The following KIAA1671 variants were observed in gnomAD, a reference collection of about 807,000 sequenced individuals.
The protein encoded by KIAA1671 is uncharacterized protein KIAA1671.
KIAA1671 carries 52 observed loss-of-function variants against 131.2 expected under a neutral mutation model. The ratio of observed to expected loss-of-function variants is 0.40; its 90% confidence interval spans 0.32 to 0.50. KIAA1671 has a LOEUF of 0.50. Ranked by LOEUF, KIAA1671 falls within the 20% of genes least tolerant of loss-of-function variation. The probability of loss-of-function intolerance (pLI) is 0.73; values close to 1 mark genes in which losing one functional copy is unlikely to be tolerated. For synonymous variants in KIAA1671, 1,003 were observed against 961.6 expected (o/e 1.04, Z -0.80); for missense variants, 2,360 against 2,364.2 (o/e 1.00, Z 0.04).
intron 6 of KIAA1671, among the ~76,000 whole-genome samples, chr22:25,076,756 T>C (rs956423611): frequency 1.3e-5 from 2 of 152,216 alleles, no homozygotes; most frequent in Non-Finnish European, 2.9e-5. Flanking sequence ...ATTAGTGATA[T>C]AAGCAATAGT....
chr22:25,001,079 T>C (rs183672957), intron 1 of KIAA1671, among the ~76,000 whole-genome samples: 70 of 152,148 alleles, frequency 4.6e-4, no homozygotes, highest in Admixed American at 4.3e-3. Flanking sequence ...AAAAAAGAAA[T>C]ACAAAACTGA....
chr22:25,020,913 G>A (rs1200534919), intron 1 of KIAA1671, among the ~76,000 whole-genome samples: 1 of 152,122 alleles, frequency 6.6e-6, no homozygotes, highest in Non-Finnish European at 1.5e-5. Context: ...GGGAAGAAGT[G>A]TGGCCTTTAT....
intron 6 of KIAA1671, among the ~76,000 whole-genome samples, chr22:25,133,053 C>A (rs1932513138): frequency 1.1e-5 from 1 of 90,480 alleles, no homozygotes; most frequent in Admixed American, 1.2e-4. Flanking sequence ...GACTCCATCT[C>A]AAAAAAAAAA....
At chr22:25,176,416 C>T (rs776739653) in intron 8 of KIAA1671, 5 of 152,220 alleles carry the variant, frequency 3.3e-5, no homozygotes, top group African/African-American at 9.6e-5. Flanking sequence ...CATGTAAGAA[C>T]GTGAGCTTGC....
At chr22:25,118,841 A>G (rs2145925580) in intron 6 of KIAA1671, among the ~76,000 whole-genome samples, 1 of 151,580 alleles carries the variant, frequency 6.6e-6, no homozygotes, top group East Asian at 1.9e-4. Context: ...TTCGTCAGTC[A>G]CCCCCTGCTC....
intron 1 of KIAA1671, among the ~76,000 whole-genome samples, chr22:24,994,033 A>T (rs765990924): frequency 1.3e-5 from 2 of 152,054 alleles, no homozygotes; most frequent in Non-Finnish European, 2.9e-5. Flanking sequence ...GTGAGCCAAG[A>T]TCACGCCATT....
At chr22:25,150,456 C>A (rs1418747128) in intron 6 of KIAA1671, among the ~76,000 whole-genome samples, 2 of 152,182 alleles carry the variant, frequency 1.3e-5, no homozygotes, top group Non-Finnish European at 2.9e-5. Context: ...TGTGCTAAGC[C>A]ATGGCAGTGG....
intron 1 of KIAA1671, among the ~76,000 whole-genome samples, chr22:25,003,974 C>T (rs1273889564): frequency 6.6e-6 from 1 of 151,518 alleles, no homozygotes; most frequent in Non-Finnish European, 1.5e-5. Flanking sequence ...CGCGCCACCA[C>T]ACGCAGCTAA....
chr22:24,999,174 T>C (rs1441068622), intron 1 of KIAA1671, among the ~76,000 whole-genome samples: 1 of 152,194 alleles, frequency 6.6e-6, no homozygotes, highest in African/African-American at 2.4e-5. Context: ...TCTGTAATTT[T>C]AGCCATTGTG....
chr22:25,168,861 AGTTT>A (rs1389159578), intron 6 of KIAA1671, among the ~76,000 whole-genome samples: 3 of 151,904 alleles, frequency 2.0e-5, no homozygotes, highest in Non-Finnish European at 2.9e-5. Context: ...TGGGATAGAG[AGTTT>A]GTTTGGAGCA....
chr22:25,083,746 ATTTTACTC>A (rs1236225302), intron 6 of KIAA1671, among the ~76,000 whole-genome samples: 2 of 152,184 alleles, frequency 1.3e-5, no homozygotes, highest in Non-Finnish European at 2.9e-5. Context: ...CTCATGCCTC[ATTTTACTC>A]TGCCCTCTCC....
At chr22:25,027,026 A>C (rs996886721) in intron 2 of KIAA1671, among the ~76,000 whole-genome samples, 12 of 152,214 alleles carry the variant, frequency 7.9e-5, no homozygotes, top group Non-Finnish European at 1.5e-4. Context: ...GAGGAGGATG[A>C]GATGTATAAA....
intron 6 of KIAA1671, among the ~76,000 whole-genome samples, chr22:25,068,522 C>T (rs1265379775): frequency 6.6e-6 from 1 of 152,118 alleles, no homozygotes; most frequent in African/African-American, 2.4e-5. Flanking sequence ...CTGCAAGCTC[C>T]GCCTACCGGG....
At chr22:25,020,901 C>G (rs1401866755) in intron 1 of KIAA1671, among the ~76,000 whole-genome samples, 1 of 152,010 alleles carries the variant, frequency 6.6e-6, no homozygotes, top group African/African-American at 2.4e-5. Flanking sequence ...TGTAGGGCCT[C>G]GGGGAAGAAG....
chr22:24,976,273 G>A (rs1353093121), intron 1 of KIAA1671, among the ~76,000 whole-genome samples: 1 of 152,228 alleles, frequency 6.6e-6, no homozygotes, highest in Non-Finnish European at 1.5e-5. Context: ...AGGCTGTCTG[G>A]ATGTTCCTGC....
chr22:25,114,628 G>A (rs756339942), intron 6 of KIAA1671, among the ~76,000 whole-genome samples: 3 of 152,300 alleles, frequency 2.0e-5, no homozygotes, highest in South Asian at 4.1e-4. Flanking sequence ...GTGCATTGAT[G>A]TGCTGGTAAA....
rs956201949 is a variant in KIAA1671 at position 25,193,979 on chromosome 22, G to A, written c.*1578G>A. On this transcript the variant is annotated 3_prime_UTR_variant, in exon 13 of 13. Coordinates refer to ENST00000358431, the MANE Select transcript of KIAA1671 (RefSeq NM_001145206.2). The stretch of plus-strand genomic sequence containing the variant: ...GGGATTCATGCCTGCAACTGCTTCA[G>A]TCGAATTCTTTTTTAAAGATCCAGT... The A allele has an allele frequency of 1.3e-5, 2 of 152,178 alleles. No individual in the cohort carries two copies. Among genetic ancestry groups the A allele is most frequent in the East Asian group, 3.8e-4 (2 of 5,202 alleles). 9.4% of individuals were successfully genotyped at this position (152,178 alleles called of 1,614,324 possible). A position where few individuals can be genotyped will look rare whatever the true frequency, so the allele number is the denominator to read the frequency against.
At chr22:25,150,499 G>A (rs1430716080) in intron 6 of KIAA1671, among the ~76,000 whole-genome samples, 2 of 152,164 alleles carry the variant, frequency 1.3e-5, no homozygotes, top group East Asian at 3.9e-4. Context: ...TTTTCAGGAA[G>A]GTGCTGCCTG....
At chr22:25,144,053 C>T (rs1932842345) in intron 6 of KIAA1671, among the ~76,000 whole-genome samples, 1 of 152,020 alleles carries the variant, frequency 6.6e-6, no homozygotes, top group South Asian at 2.1e-4. Context: ...AATAACAGTA[C>T]CAATGTCATA....
Sources: gnomAD v4.1 joint callset for allele counts (sites outside exome capture counted in the v4.1 genomes callset) on GRCh38, gnomAD v4.1.1 for gene constraint, MANE v1.5 for transcripts, NCBI Gene and HGNC (gene_info 2026-07-23, HGNC 2026-07-21) for gene names.